The following MED13L variants were observed in gnomAD, a reference collection of about 807,000 sequenced individuals.
MED13L encodes mediator complex subunit 13L.
In MED13L, 7 loss-of-function variants were observed where a neutral mutation model predicts 220.9. The observed-to-expected ratio is 0.03, with a 90% confidence interval of 0.02 to 0.06. The LOEUF (loss-of-function observed/expected upper bound fraction) is 0.06. MED13L is among the 10% of genes least tolerant of loss of function. The pLI is 1.00. For missense variants in MED13L, 1,965 were observed against 2,760.5 expected (o/e 0.71, Z 6.46); for synonymous variants, 1,011 against 1,015.2 (o/e 1.00, Z 0.08).
chr12:116,009,074 G>A lies in MED13L; in HGVS notation c.1339C>T (p.Pro447Ser), dbSNP rs761274406. The A allele has an allele frequency of 6.2e-7, 1 of 1,614,086 alleles. No individual in the cohort carries two copies. The highest frequency in any genetic ancestry group is 8.5e-7 in the Non-Finnish European group (1 of 1,179,990). ...GPNRPPTVSQ[P>S]GFSAGPSSSS... ...GATGATGGTCCTGCACTGAACCCTG[G>A]TTGAGATACTGTGGGAGGTCGATTG... Residue 447 changes from proline to serine, a missense_variant, in exon 10 of 31, where the codon CCA becomes TCA. By Grantham distance (74) the Pro-to-Ser change is moderately conservative (BLOSUM62 -1). Transcript: ENST00000281928.
chr12:116,091,244 T>C (rs1378586820), intron 4 of MED13L, among the ~76,000 whole-genome samples: 1 of 151,816 alleles, frequency 6.6e-6, no homozygotes, highest in East Asian at 1.9e-4. Flanking sequence ...AAATAGCACA[T>C]ATTTAAATAT....
intron 1 of MED13L, among the ~76,000 whole-genome samples, chr12:116,257,325 T>C (rs773234132): frequency 3.3e-5 from 5 of 152,210 alleles, no homozygotes; most frequent in Non-Finnish European, 5.9e-5. Context: ...TACACTGCTG[T>C]GGATAACAAC....
At chr12:116,263,994 C>T (rs1433164127) in intron 1 of MED13L, among the ~76,000 whole-genome samples, 1 of 152,214 alleles carries the variant, frequency 6.6e-6, no homozygotes, top group Non-Finnish European at 1.5e-5. Context: ...TCCTGGCATA[C>T]ATCCACAACG....
At chr12:115,964,712 G>A (rs1019545121) in intron 29 of MED13L, among the ~76,000 whole-genome samples, 2 of 151,886 alleles carry the variant, frequency 1.3e-5, no homozygotes, top group African/African-American at 4.8e-5. Flanking sequence ...CCCCTAAGAT[G>A]GCTCCTGAGG....
chr12:115,994,806 A>G (rs1161473289), intron 16 of MED13L, among the ~76,000 whole-genome samples: 5 of 152,174 alleles, frequency 3.3e-5, no homozygotes, highest in African/African-American at 1.2e-4. Flanking sequence ...GGAGCACAGC[A>G]GCAGCACACC....
At chr12:116,027,420 AAAACAAACAAAC>A (rs530338836) in intron 4 of MED13L, among the ~76,000 whole-genome samples, 91 of 152,196 alleles carry the variant, frequency 6.0e-4, no homozygotes, top group African/African-American at 2.1e-3. Context: ...ACTCTGTCTC[AAAACAAACAAAC>A]AAACAAACAA....
At chr12:116,027,579 T>C (rs995801452) in intron 4 of MED13L, among the ~76,000 whole-genome samples, 1 of 152,132 alleles carries the variant, frequency 6.6e-6, no homozygotes, top group Non-Finnish European at 1.5e-5. Context: ...GAAGGCAAGA[T>C]CTGAGGAAGC....
At chr12:116,276,603 TA>T (rs1043594030) in intron 1 of MED13L, 12 of 1,201,768 alleles carry the variant, frequency 1.0e-5, no homozygotes, top group East Asian at 1.2e-4. Context: ...TTATGGAATT[TA>T]AAAAAATTCA....
At chr12:116,010,205 C>G (rs1879308642) in intron 9 of MED13L, among the ~76,000 whole-genome samples, 1 of 152,122 alleles carries the variant, frequency 6.6e-6, no homozygotes, top group African/African-American at 2.4e-5. Context: ...TCTGCAAATA[C>G]TCTTGCCAAA....
At position 116,081,322 on chromosome 12, in the gene MED13L, A is replaced by T. The variant is rs188367402; in HGVS notation, c.479+15347T>A. Among the ~76,000 whole-genome samples, 192 of 152,346 alleles carry T rather than the reference A, an allele frequency of 1.3e-3. 1 individual carries two copies. Among genetic ancestry groups the T allele is most frequent in the Middle Eastern group, 3.4e-3 (1 of 294 alleles). ...TTATTTGTTTCGTATTTGCATTACG[A>T]TGCTAATTTTGTCTTTTTGTAAACT... is the stretch of plus-strand genomic sequence containing the variant. On this transcript the variant is annotated intron_variant, in intron 4 of 30. Transcript: ENST00000281928.
chr12:116,036,219 GAGA>G (rs763735250), intron 4 of MED13L, among the ~76,000 whole-genome samples: 3 of 152,212 alleles, frequency 2.0e-5, no homozygotes, highest in Non-Finnish European at 4.4e-5. Context: ...GTTTCATCAT[GAGA>G]AGAACAAGAA....
chr12:116,162,171 A>G (rs1227190322), intron 2 of MED13L, among the ~76,000 whole-genome samples: 1 of 151,974 alleles, frequency 6.6e-6, no homozygotes, highest in Non-Finnish European at 1.5e-5. Flanking sequence ...CCTGAGTCAG[A>G]ACAAGAAAGT....
At chr12:116,028,400 A>C (rs1453462202) in intron 4 of MED13L, among the ~76,000 whole-genome samples, 1 of 152,152 alleles carries the variant, frequency 6.6e-6, no homozygotes, top group Non-Finnish European at 1.5e-5. Context: ...TTCATTAAAA[A>C]TTTTAAGACT....
intron 2 of MED13L, among the ~76,000 whole-genome samples, chr12:116,196,677 AAAAT>A (rs1881645044): frequency 6.6e-6 from 1 of 152,244 alleles, no homozygotes; most frequent in African/African-American, 2.4e-5. Context: ...CTCCAAATTT[AAAAT>A]AAATAGAAAA....
intron 2 of MED13L, among the ~76,000 whole-genome samples, chr12:116,126,194 C>T (rs187088124): frequency 6.6e-6 from 1 of 152,278 alleles, no homozygotes; most frequent in Admixed American, 6.5e-5. Flanking sequence ...TTCAACTCTA[C>T]AAGATTCCTT....
At chr12:116,062,988 T>A (rs1869631177) in intron 4 of MED13L, among the ~76,000 whole-genome samples, 1 of 152,246 alleles carries the variant, frequency 6.6e-6, no homozygotes, top group African/African-American at 2.4e-5. Context: ...CTCTTCCTCC[T>A]TTTTGTCTAC....
At chr12:116,231,571 T>A (rs1259959259) in intron 2 of MED13L, among the ~76,000 whole-genome samples, 1 of 152,194 alleles carries the variant, frequency 6.6e-6, no homozygotes, top group African/African-American at 2.4e-5. Flanking sequence ...CCTGATTGCA[T>A]TCTGGATCAG....
At chr12:116,102,265 A>T (rs948923878) in intron 3 of MED13L, among the ~76,000 whole-genome samples, 7 of 152,206 alleles carry the variant, frequency 4.6e-5, no homozygotes, top group African/African-American at 1.7e-4. Flanking sequence ...CCACAGGCAG[A>T]CCTGACGTAA....
At chr12:116,171,814 A>C (rs1055976232) in intron 2 of MED13L, among the ~76,000 whole-genome samples, 2 of 152,114 alleles carry the variant, frequency 1.3e-5, no homozygotes, top group Admixed American at 6.6e-5. Flanking sequence ...TCCCCCTTCA[A>C]TATCTACCAA....
Sources: gnomAD v4.1 joint callset for allele counts (sites outside exome capture counted in the v4.1 genomes callset) on GRCh38, gnomAD v4.1.1 for gene constraint, MANE v1.5 for transcripts, NCBI Gene and HGNC (gene_info 2026-07-23, HGNC 2026-07-21) for gene names.